FBN2: variants seen among roughly 807,000 people sequenced by gnomAD.
The protein encoded by FBN2 is fibrillin 2.
In FBN2, 105 loss-of-function variants were observed where a neutral mutation model predicts 355.6. The observed-to-expected ratio is 0.30, with a 90% CI of 0.25 to 0.35. The LOEUF (loss-of-function observed/expected upper bound fraction) is 0.35. Ranked by LOEUF, FBN2 falls within the 10% of genes least tolerant of loss-of-function variation. The pLI is 1.00. For synonymous variants in FBN2, 1,350 were observed against 1,301.2 expected, an observed-to-expected ratio of 1.04 and a Z score of -0.81; for missense variants, 3,280 against 3,758.7, an observed-to-expected ratio of 0.87 and a Z score of 3.33.
intron 9 of FBN2, 129 bp downstream of exon 9, chr5:128,394,993 C>G (rs1752610284): frequency 3.0e-6 from 3 of 1,013,784 alleles, no homozygotes; most frequent in South Asian, 2.6e-5. Context: ...GCCATGTTGC[C>G]CAGGCTGGTT....
At chr5:128,425,279 G>C (rs1753456562) in intron 7 of FBN2, among the ~76,000 whole-genome samples, 1 of 152,016 alleles carries the variant, frequency 6.6e-6, no homozygotes, top group Non-Finnish European at 1.5e-5. Context: ...ATGTCCTCCA[G>C]AAAATTTCTT....
Position 128,537,882 on chromosome 5 carries a change from G to C in FBN2, c.-279C>G, listed in dbSNP as rs1357453735. 7.3e-6 allele frequency: 4 copies of C among 550,298 alleles called. No homozygotes were observed. The highest frequency in any genetic ancestry group is 6.4e-6 in the Non-Finnish European group (2 of 310,874). 34.1% of individuals were successfully genotyped at this position (550,298 alleles called of 1,614,324 possible). On this transcript the variant is annotated 5_prime_UTR_variant, in exon 1 of 65. Coordinates refer to ENST00000262464, the MANE Select transcript of FBN2 (RefSeq NM_001999.4). The stretch of plus-strand genomic sequence containing the variant: ...CCCGAGCGGTACACGTTGCATAACC[G>C]GCCTAAAGCCCCGAGCGACTCCAGG...
At chr5:128,388,685 G>C (rs997633366) in intron 11 of FBN2, among the ~76,000 whole-genome samples, 2 of 152,106 alleles carry the variant, frequency 1.3e-5, no homozygotes, top group Non-Finnish European at 2.9e-5. Flanking sequence ...TGGCTTGTAG[G>C]GTTCCTGCTG....
chr5:128,314,607 C>T (rs1049790281), intron 36 of FBN2, among the ~76,000 whole-genome samples: 7 of 152,146 alleles, frequency 4.6e-5, no homozygotes, highest in Admixed American at 1.3e-4. Context: ...TGAGCCACCA[C>T]GCCCAGCCTA....
chr5:128,503,252 G>A (rs1208238568), intron 5 of FBN2, among the ~76,000 whole-genome samples: 1 of 152,198 alleles, frequency 6.6e-6, no homozygotes. Flanking sequence ...GGAAATGTGA[G>A]TCAACTAAAC....
At position 128,262,007 on chromosome 5, in the gene FBN2, C is replaced by G. The variant is rs1006879339; in HGVS notation, c.8193-100G>C. 4.4e-6 allele frequency: 4 copies of G among 903,082 alleles called. No homozygotes were observed. The African/African-American group carries it at 4.9e-5, about 11-fold the overall frequency. 55.9% of individuals were successfully genotyped at this position (903,082 alleles called of 1,614,324 possible). On this transcript the variant is annotated intron_variant, in intron 63 of 64. Coordinates refer to ENST00000262464, the MANE Select transcript of FBN2 (RefSeq NM_001999.4). ...CTTCAGAAACACGAAACCAACAGAG[C>G]AAACACTAAACTCATAAACATAAAA...
intron 16 of FBN2, 79 bp downstream of exon 16, chr5:128,369,103 C>CT: frequency 7.3e-7 from 1 of 1,365,168 alleles, no homozygotes; most frequent in Non-Finnish European, 1.0e-6. Flanking sequence ...CACTTAAGAG[C>CT]TGATGTTCTC....
chr5:128,404,229 G>A (rs1255420962), intron 8 of FBN2, among the ~76,000 whole-genome samples: 3 of 152,114 alleles, frequency 2.0e-5, no homozygotes, highest in Non-Finnish European at 2.9e-5. Context: ...CAAAGATCTC[G>A]TACACATTAA....
chr5:128,366,505 C>A, intron 16 of FBN2, 75 bp from the exon 17 acceptor site: 2 of 810,656 alleles, frequency 2.5e-6, no homozygotes, highest in Non-Finnish European at 2.0e-6. Context: ...TTCATAACTC[C>A]AAAACTACCA....
chr5:128,384,577 A>G (rs1047342390), intron 11 of FBN2, among the ~76,000 whole-genome samples: 6 of 152,108 alleles, frequency 3.9e-5, no homozygotes, highest in Admixed American at 2.6e-4. Flanking sequence ...ATGAACACCT[A>G]TGATATAAGG....
At chr5:128,467,988 C>T (rs867776913) in intron 5 of FBN2, among the ~76,000 whole-genome samples, 3 of 152,144 alleles carry the variant, frequency 2.0e-5, no homozygotes, top group Admixed American at 2.0e-4. Flanking sequence ...TACCATAATT[C>T]GCCTGTTTTA....
At chr5:128,284,394 T>C (rs1749077331) in intron 55 of FBN2, among the ~76,000 whole-genome samples, 1 of 152,178 alleles carries the variant, frequency 6.6e-6, no homozygotes, top group South Asian at 2.1e-4. Context: ...CACTCTGCCG[T>C]AACACTTTTA....
At position 128,427,187 on chromosome 5, in the gene FBN2, C is replaced by A. The variant is rs376902984; in HGVS notation, c.953-18388G>T. Among the ~76,000 whole-genome samples the A allele has an allele frequency of 3.3e-5, 5 of 152,100 alleles. No individual in the cohort carries two copies. In the East Asian group the frequency reaches 5.8e-4, roughly 18 times the overall value. On this transcript the variant is annotated intron_variant, in intron 7 of 64. Coordinates refer to ENST00000262464, the MANE Select transcript of FBN2 (RefSeq NM_001999.4). ...AGGGGCCTGAGCTTCTGCCCACCCC[C>A]CTGCCACTGCCCCACCAAGCATGGA...
intron 5 of FBN2, among the ~76,000 whole-genome samples, chr5:128,494,171 C>T (rs1218268975): frequency 1.3e-5 from 2 of 152,162 alleles, no homozygotes; most frequent in Non-Finnish European, 2.9e-5. Flanking sequence ...CAAGATAGAC[C>T]ATTGTCTCCG....
At position 128,332,928 on chromosome 5, in the gene FBN2, G is replaced by T. The variant is rs34201226; in HGVS notation, c.4206C>A (p.Asn1402Lys). ...KCSCREGWIG[N>K]GIKCIDLDEC... ...CAAACTCACCAATACACTTGATGCCGTTTCCAATCCAGCCTTCTCTGCAGC... is the reference window on the plus strand; with the variant it reads ...CAAACTCACCAATACACTTGATGCCTTTTCCAATCCAGCCTTCTCTGCAGC... Residue 1402 changes from asparagine (N) to lysine (K), a missense_variant, in exon 32 of 65, where the codon AAC becomes AAA. Around this residue, in one of 6 missense-constraint regions of FBN2, gnomAD observed 2,284 missense variants for 2,749.5 expected, o/e 0.83. Transcript: ENST00000262464. 2 of 1,613,788 alleles carry T rather than the reference G, an allele frequency of 1.2e-6. No individual in the cohort carries two copies. The highest frequency in any genetic ancestry group is 1.7e-6 in the Non-Finnish European group (2 of 1,179,854).
chr5:128,535,070 T>C (rs1272759301), intron 2 of FBN2, among the ~76,000 whole-genome samples: 2 of 152,220 alleles, frequency 1.3e-5, no homozygotes, highest in Non-Finnish European at 2.9e-5. Context: ...ACATATGACT[T>C]CTGTGTTGGA....
chr5:128,499,382 C>G (rs6595830), intron 5 of FBN2, among the ~76,000 whole-genome samples: 31,921 of 151,990 alleles, frequency 0.21, 6,005 homozygotes, highest in African/African-American at 0.51. Flanking sequence ...TCATGCTATA[C>G]CAATGTTTCA....
intron 3 of FBN2, among the ~76,000 whole-genome samples, chr5:128,530,225 T>C (rs1244749375): frequency 6.6e-6 from 1 of 152,208 alleles, no homozygotes; most frequent in African/African-American, 2.4e-5. Flanking sequence ...AGGTCCATTA[T>C]GTGTAAAGTA....
chr5:128,434,091 G>A (rs183425441), intron 7 of FBN2, among the ~76,000 whole-genome samples: 205 of 152,102 alleles, frequency 1.3e-3, no homozygotes, highest in Admixed American at 3.7e-3. Context: ...TACAGCAGGT[G>A]ACTAGAACTA....
Sources: allele counts gnomAD v4.1 joint callset (sites outside exome capture counted in the v4.1 genomes callset), GRCh38; gene constraint gnomAD v4.1.1; regional missense constraint gnomAD v4.1.1; transcripts MANE v1.5; gene names NCBI Gene and HGNC (gene_info 2026-07-23, HGNC 2026-07-21).